The following PKNOX2 variants were observed in gnomAD, a reference collection of about 807,000 sequenced individuals.
The protein encoded by PKNOX2 is homeobox protein PKNOX2.
In PKNOX2, 14 loss-of-function variants were observed where a neutral mutation model predicts 53.1. That is an observed-to-expected ratio of 0.26 (90% confidence interval 0.17 to 0.41). The LOEUF (loss-of-function observed/expected upper bound fraction) is 0.41, where lower values mean the gene tolerates loss of function less well. PKNOX2 is among the 10% of genes least tolerant of loss of function. The pLI is 1.00. For missense variants in PKNOX2, 496 were observed against 602.8 expected (o/e 0.82, Z 1.85); for synonymous variants, 257 against 242.8 (o/e 1.06, Z -0.54).
intron 6 of PKNOX2, among the ~76,000 whole-genome samples, chr11:125,390,622 C>G (rs1018436336): frequency 1.3e-5 from 2 of 152,232 alleles, no homozygotes; most frequent in African/African-American, 4.8e-5. Context: ...TCTCACAAGA[C>G]CCCTATGAAG....
At chr11:125,407,437 G>A (rs1032851267) in intron 7 of PKNOX2, among the ~76,000 whole-genome samples, 1 of 152,194 alleles carries the variant, frequency 6.6e-6, no homozygotes, top group African/African-American at 2.4e-5. Context: ...ACCTTGTTGG[G>A]TACTTTTTTG....
At chr11:125,418,689 A>G (rs1956018357) in intron 10 of PKNOX2, among the ~76,000 whole-genome samples, 1 of 151,874 alleles carries the variant, frequency 6.6e-6, no homozygotes, top group Non-Finnish European at 1.5e-5. Context: ...GCATTGTGTT[A>G]AGTCTTGAAG....
At chr11:125,274,359 T>C (rs1418323850) in intron 2 of PKNOX2, among the ~76,000 whole-genome samples, 1 of 151,996 alleles carries the variant, frequency 6.6e-6, no homozygotes, top group Non-Finnish European at 1.5e-5. Flanking sequence ...GAGCTCCACA[T>C]CCCAGCTCGC....
intron 2 of PKNOX2, among the ~76,000 whole-genome samples, chr11:125,275,963 G>A (rs1262233408): frequency 6.6e-6 from 1 of 152,190 alleles, no homozygotes; most frequent in Non-Finnish European, 1.5e-5. Flanking sequence ...CAGAAAGGGA[G>A]AGTGAAGGGG....
chr11:125,431,441 C>T lies in PKNOX2; in HGVS notation c.*49C>T, dbSNP rs776612006. ...TCACTGAGCAGGAGAGGAGTGTCGC[C>T]GGGAGGCCTTCAGGGTGGGGGGGAA... On this transcript the variant is annotated 3_prime_UTR_variant, in exon 13 of 13. Transcript: ENST00000298282. 22 of 687,696 alleles carry T rather than the reference C, an allele frequency of 3.2e-5. No homozygotes were observed. Among genetic ancestry groups the T allele is most frequent in the African/African-American group, 5.6e-5 (2 of 35,406 alleles). The allele number at this position is 687,696 out of a possible 1,614,324, so 42.6% of individuals were successfully genotyped here.
At chr11:125,380,575 G>A (rs1953152498) in intron 5 of PKNOX2, among the ~76,000 whole-genome samples, 2 of 152,158 alleles carry the variant, frequency 1.3e-5, no homozygotes, top group South Asian at 4.1e-4. Context: ...GACACCAAGT[G>A]TCCACATCTC....
chr11:125,226,765 T>G (rs1362752366), intron 1 of PKNOX2, among the ~76,000 whole-genome samples: 1 of 150,408 alleles, frequency 6.6e-6, no homozygotes, highest in Non-Finnish European at 1.5e-5. Context: ...CTCACCAGGT[T>G]TTTTTTTTTC....
At chr11:125,244,567 T>C (rs1358640954) in intron 2 of PKNOX2, among the ~76,000 whole-genome samples, 2 of 152,186 alleles carry the variant, frequency 1.3e-5, no homozygotes, top group Non-Finnish European at 2.9e-5. Flanking sequence ...GCCCTCCCAC[T>C]CCCAGCCCCA....
chr11:125,225,087 T>C (rs1429960632), intron 1 of PKNOX2, among the ~76,000 whole-genome samples: 2 of 152,162 alleles, frequency 1.3e-5, no homozygotes, highest in Admixed American at 1.3e-4. Context: ...TTCTTTCTAC[T>C]CCCTCCAGCA....
At chr11:125,275,712 G>C (rs940421795) in intron 2 of PKNOX2, among the ~76,000 whole-genome samples, 1 of 151,826 alleles carries the variant, frequency 6.6e-6, no homozygotes, top group Non-Finnish European at 1.5e-5. Flanking sequence ...TACTTAGATG[G>C]AGGAGACTTG....
chr11:125,402,462 T>A (rs1954808915), intron 7 of PKNOX2, among the ~76,000 whole-genome samples: 1 of 152,196 alleles, frequency 6.6e-6, no homozygotes, highest in Non-Finnish European at 1.5e-5. Context: ...TGTGGAGATT[T>A]AAGCCTCAGC....
intron 2 of PKNOX2, among the ~76,000 whole-genome samples, chr11:125,293,564 T>C (rs544708218): frequency 1.7e-4 from 26 of 152,344 alleles, no homozygotes; most frequent in African/African-American, 6.3e-4. Context: ...TCTGGCAGCC[T>C]TGCCATCTAA....
At chr11:125,393,113 T>C (rs1466855662) in intron 6 of PKNOX2, among the ~76,000 whole-genome samples, 1 of 143,616 alleles carries the variant, frequency 7.0e-6, no homozygotes, top group Non-Finnish European at 1.5e-5. Flanking sequence ...TGAGTCGAGA[T>C]CGCGCCACTG....
chr11:125,216,425 C>A (rs1419960068), intron 1 of PKNOX2, among the ~76,000 whole-genome samples: 1 of 152,186 alleles, frequency 6.6e-6, no homozygotes, highest in Non-Finnish European at 1.5e-5. Context: ...AAACTCAGGG[C>A]AGTCCTGGTA....
At chr11:125,317,032 A>G (rs1949238667) in intron 2 of PKNOX2, among the ~76,000 whole-genome samples, 1 of 152,216 alleles carries the variant, frequency 6.6e-6, no homozygotes, top group African/African-American at 2.4e-5. Flanking sequence ...GTTGTCAACA[A>G]TGTGCACAGT....
chr11:125,403,594 A>C (rs972775191), intron 7 of PKNOX2, among the ~76,000 whole-genome samples: 2 of 152,192 alleles, frequency 1.3e-5, no homozygotes, highest in African/African-American at 2.4e-5. Context: ...CCCTGGCTCA[A>C]AGTCACACAC....
chr11:125,231,723 G>GT (rs1565474843), intron 1 of PKNOX2, among the ~76,000 whole-genome samples: 20 of 151,146 alleles, frequency 1.3e-4, no homozygotes, highest in Admixed American at 8.6e-4. Context: ...GTGTGTGGGG[G>GT]GTGTGTGTGT....
At chr11:125,375,276 T>C (rs2135290199) in intron 5 of PKNOX2, among the ~76,000 whole-genome samples, 1 of 151,536 alleles carries the variant, frequency 6.6e-6, no homozygotes, top group Admixed American at 6.6e-5. Flanking sequence ...CAAGAGGAGG[T>C]TCTTTTGGAA....
rs1196768650 is a variant in PKNOX2 at position 125,358,929 on chromosome 11, G to C, written c.87+7537G>C. ...AGGGCCTGGTGTTGCCGGTGTTGGG[G>C]TCCGTTCAGATGAGGCAGGAGTCCA... On this transcript the variant is annotated intron_variant, in intron 4 of 12. Coordinates refer to ENST00000298282, the MANE Select transcript of PKNOX2 (RefSeq NM_001382323.2). 2.6e-5 allele frequency among the ~76,000 whole-genome samples: 4 copies of C among 152,356 alleles called. 1 individual carries two copies. The highest frequency in any genetic ancestry group is 9.6e-5 in the African/African-American group (4 of 41,588).
Sources: gnomAD v4.1 joint callset for allele counts (sites outside exome capture counted in the v4.1 genomes callset) on GRCh38, gnomAD v4.1.1 for gene constraint, MANE v1.5 for transcripts, NCBI Gene and HGNC (gene_info 2026-07-23, HGNC 2026-07-21) for gene names.